The following VPS13C variants were observed in gnomAD, a reference collection of about 807,000 sequenced individuals.
VPS13C encodes intermembrane lipid transfer protein VPS13C.
VPS13C carries 358 observed loss-of-function variants against 456.8 expected under a neutral mutation model. The observed-to-expected ratio is 0.78, with a 90% CI of 0.72 to 0.86. VPS13C has a LOEUF of 0.86. Ranked by LOEUF, VPS13C falls within the 40% of genes least tolerant of loss-of-function variation. VPS13C has a pLI of 0.00. For missense variants in VPS13C, 4,818 were observed against 4,385.4 expected (o/e 1.10, Z -2.79); for synonymous variants, 1,578 against 1,486.7 (o/e 1.06, Z -1.41).
rs1895949987 is a variant in VPS13C at position 61,882,677 on chromosome 15, T to C, written c.9543A>G (p.Arg3181=). The C allele has an allele frequency of 6.2e-7, 1 of 1,600,472 alleles. No individual in the cohort carries two copies. The highest frequency in any genetic ancestry group is 2.3e-5 in the East Asian group (1 of 44,328). Residue 3181 remains arginine (R), a synonymous_variant, in exon 69 of 85, where the codon CGA becomes CGG. Transcript: ENST00000644861. ...MRLPIRSPIK[R]DFLSGIQIEF... is the part of the protein sequence containing the mutation. Reference sequence around the variant, plus strand: ...CAATCTGAATTCCTGATAAAAAGTCTCGTTTAATAGGGCTACGAATAGGGA... The same window carrying C: ...CAATCTGAATTCCTGATAAAAAGTCCCGTTTAATAGGGCTACGAATAGGGA...
At chr15:62,020,445 G>A (rs368485914) in intron 9 of VPS13C, 34 bp downstream of exon 9, 6 of 1,577,414 alleles carry the variant, frequency 3.8e-6, no homozygotes, top group Admixed American at 3.6e-5. Context: ...TACTTTACAG[G>A]TTCCATAGAA....
At chr15:62,044,181 G>T in intron 2 of VPS13C, 31 bp downstream of exon 2, 1 of 1,423,686 alleles carries the variant, frequency 7.0e-7, no homozygotes, top group Non-Finnish European at 9.7e-7. Flanking sequence ...CAAATTAAGT[G>T]AGTTATTAGC....
chr15:62,041,722 A>G (rs1324948788), intron 2 of VPS13C, among the ~76,000 whole-genome samples: 1 of 152,096 alleles, frequency 6.6e-6, no homozygotes, highest in Non-Finnish European at 1.5e-5. Context: ...CAGGAGGCTG[A>G]GGCAGGAGAA....
At position 61,931,258 on chromosome 15, in the gene VPS13C, T is replaced by A. The variant is rs2044046229; in HGVS notation, c.5870A>T (p.Glu1957Val). Residue 1957 changes from glutamate to valine, a missense_variant and splice_region_variant, in exon 50 of 85, where the codon GAA (glutamate) becomes GTA (valine). Physicochemically the swap from Glu to Val is moderately radical, Grantham distance 121. Transcript: ENST00000644861. ...GTCATTATGAAATGCAACTCCAGAT[T>A]CCTATGGTACATTTTTCAAGCAAAA... is the stretch of plus-strand genomic sequence containing the variant. The part of the protein sequence containing the change: ...IILYNNDINQ[E>V]SGVAFHNDSF... The A allele has an allele frequency of 6.2e-7, 1 of 1,612,048 alleles. No homozygotes were observed. The highest frequency in any genetic ancestry group is 8.5e-7 in the Non-Finnish European group (1 of 1,179,290).
intron 34 of VPS13C, 76 bp from the exon 35 acceptor site, chr15:61,961,969 T>C: frequency 6.8e-7 from 1 of 1,461,622 alleles, no homozygotes; most frequent in Non-Finnish European, 9.1e-7. Context: ...CTTCTTTTCA[T>C]ACATGTGGTA....
At chr15:62,051,179 G>GT (rs1295733428) in intron 1 of VPS13C, among the ~76,000 whole-genome samples, 2 of 152,118 alleles carry the variant, frequency 1.3e-5, no homozygotes, top group Non-Finnish European at 2.9e-5. Flanking sequence ...CTTATGGTGC[G>GT]TAACACTTAA....
intron 6 of VPS13C, among the ~76,000 whole-genome samples, chr15:62,025,627 C>G (rs1478686770): frequency 6.6e-6 from 1 of 152,074 alleles, no homozygotes; most frequent in Non-Finnish European, 1.5e-5. Flanking sequence ...TGTCTTTCAT[C>G]TCAATGGCAG....
At chr15:61,915,119 G>T (rs1450277584) in intron 61 of VPS13C, among the ~76,000 whole-genome samples, 1 of 152,042 alleles carries the variant, frequency 6.6e-6, no homozygotes, top group Non-Finnish European at 1.5e-5. Context: ...GGCAAAGGGT[G>T]CAGCATATAC....
chr15:61,864,534 G>A, intron 81 of VPS13C: 1 of 890,162 alleles, frequency 1.1e-6, no homozygotes, highest in South Asian at 5.2e-5. Context: ...AGAATATAAT[G>A]CCAATATTAT....
chr15:61,974,339 C>A lies in VPS13C; in HGVS notation c.2487G>T (p.Met829Ile). The A allele has an allele frequency of 6.2e-7, 1 of 1,612,614 alleles. No homozygotes were observed. The highest frequency in any genetic ancestry group is 1.1e-5 in the South Asian group (1 of 91,006). ...DQKMKDVLYL[M>I]NSIPLPQKSS... is the part of the protein sequence containing the mutation. Reference sequence around the variant, plus strand: ...ATTTCTGTGGCAAAGGTATACTGTTCATCAAATATAGCACATCTTTCATCT... The same window carrying A: ...ATTTCTGTGGCAAAGGTATACTGTTAATCAAATATAGCACATCTTTCATCT... Residue 829 changes from methionine (M) to isoleucine (I), a missense_variant, in exon 25 of 85, where the codon ATG becomes ATT. By Grantham distance (10) the Met-to-Ile change is conservative. Around this residue, in one of 3 missense-constraint regions of VPS13C, gnomAD observed 4,552 missense variants for 4,130.6 expected, o/e 1.10. Coordinates refer to ENST00000644861, the MANE Select transcript of VPS13C (RefSeq NM_020821.3).
chr15:62,003,876 G>C (rs2046729628), intron 15 of VPS13C, among the ~76,000 whole-genome samples: 1 of 151,722 alleles, frequency 6.6e-6, no homozygotes, highest in Admixed American at 6.6e-5. Context: ...AAGCCCACTT[G>C]ATCATGGTGG....
intron 8 of VPS13C, among the ~76,000 whole-genome samples, chr15:62,022,491 A>G (rs1241575680): frequency 6.6e-6 from 1 of 151,920 alleles, no homozygotes; most frequent in African/African-American, 2.4e-5. Context: ...TGTTATTAAC[A>G]AAGGCATTTA....
At chr15:61,943,028 A>G (rs180735983) in intron 45 of VPS13C, among the ~76,000 whole-genome samples, 1 of 152,284 alleles carries the variant, frequency 6.6e-6, no homozygotes, top group African/African-American at 2.4e-5. Flanking sequence ...ATAGCCATCA[A>G]AAAAACAAAG....
intron 16 of VPS13C, among the ~76,000 whole-genome samples, chr15:61,994,123 C>T (rs1319951722): frequency 6.6e-6 from 1 of 152,124 alleles, no homozygotes; most frequent in African/African-American, 2.4e-5. Flanking sequence ...TTCAGCCAAT[C>T]CTCCGCCTAC....
At position 62,030,258 on chromosome 15, in the gene VPS13C, A is replaced by G. The variant is rs565049997; in HGVS notation, c.386-1838T>C. Among the ~76,000 whole-genome samples, 31 of 152,302 alleles carry G rather than the reference A, an allele frequency of 2.0e-4. No homozygotes were observed. The South Asian group carries it at 4.6e-3, about 22-fold the overall frequency. On this transcript the variant is annotated intron_variant, in intron 5 of 84. Transcript: ENST00000644861. ...ATTCAAGGAAAACAAAAGGTTGTAT[A>G]AGAAAGGAAATATAGTCATAGTACA...
chr15:61,981,422 G>A lies in VPS13C; in HGVS notation c.2086C>T (p.Pro696Ser), dbSNP rs1408533978. 2 of 1,612,132 alleles carry A rather than the reference G, an allele frequency of 1.2e-6. No homozygotes were observed. The highest frequency in any genetic ancestry group is 1.7e-5 in the Admixed American group (1 of 59,726). Residue 696 changes from proline to serine, a missense_variant, in exon 22 of 85, where the codon CCT (proline) becomes TCT (serine). Pro to Ser is a moderately conservative substitution (Grantham distance 74). Coordinates refer to ENST00000644861, the MANE Select transcript of VPS13C (RefSeq NM_020821.3). ...KVLDLRINLKPSYLVVPQTGF... is the reference protein window; with the variant it reads ...KVLDLRINLKSSYLVVPQTGF... The stretch of plus-strand genomic sequence containing the variant: ...GTCTGTGGAACTACTAGATAAGAAG[G>A]CTTCAGATTTATCCTTAAATCAAGG...
intron 1 of VPS13C, among the ~76,000 whole-genome samples, chr15:62,051,278 T>G (rs889120370): frequency 6.6e-6 from 1 of 152,230 alleles, no homozygotes; most frequent in East Asian, 1.9e-4. Flanking sequence ...AGAATGCATA[T>G]TGTACTGGGG....
rs767878416 is a variant in VPS13C, at chr15:61,869,669, G to A, written c.10625-46C>T. Reference sequence around the variant, plus strand: ...TGAATGGATAAAGATATTTTTAAATGAGCAAGTTTGAGCTCAACCAAAACC... The same window carrying A: ...TGAATGGATAAAGATATTTTTAAATAAGCAAGTTTGAGCTCAACCAAAACC... On this transcript the variant is annotated intron_variant, in intron 79 of 84. Transcript: ENST00000644861. The A allele has an allele frequency of 2.7e-5, 44 of 1,606,934 alleles. No individual in the cohort carries two copies. The South Asian group carries it at 4.5e-4, about 17-fold the overall frequency.
intron 1 of VPS13C, among the ~76,000 whole-genome samples, chr15:62,056,297 C>T (rs2048795529): frequency 6.6e-6 from 1 of 152,146 alleles, no homozygotes; most frequent in Non-Finnish European, 1.5e-5. Context: ...AGTAATTACT[C>T]TTTATCCCAA....
Sources: gnomAD v4.1 joint callset for allele counts (sites outside exome capture counted in the v4.1 genomes callset) on GRCh38, gnomAD v4.1.1 for gene constraint, gnomAD v4.1.1 regional missense constraint, MANE v1.5 for transcripts, NCBI Gene and HGNC (gene_info 2026-07-23, HGNC 2026-07-21) for gene names.